DSCC1: variants seen among roughly 807,000 people sequenced by gnomAD.
The protein encoded by DSCC1 is sister chromatid cohesion protein DCC1.
Under a neutral mutation model 48.2 loss-of-function variants are expected in DSCC1, and 32 were observed. The ratio of observed to expected loss-of-function variants is 0.66; its 90% confidence interval spans 0.50 to 0.89. The LOEUF is 0.89. DSCC1 is among the 40% of genes least tolerant of loss of function. The pLI, the probability that DSCC1 is intolerant of heterozygous loss-of-function variation, is 0.00. For missense variants in DSCC1, 421 were observed against 471.7 expected, an observed-to-expected ratio of 0.89 and a Z score of 1.00; for synonymous variants, 150 against 171.5, an observed-to-expected ratio of 0.87 and a Z score of 0.98.
At chr8:119,850,767 A>G (rs1170520058) in intron 2 of DSCC1, among the ~76,000 whole-genome samples, 1 of 152,236 alleles carries the variant, frequency 6.6e-6, no homozygotes, top group African/African-American at 2.4e-5. Context: ...CACATCTCAA[A>G]TGTACTCTGA....
At chr8:119,851,470 T>C (rs1826942751) in intron 2 of DSCC1, among the ~76,000 whole-genome samples, 1 of 152,198 alleles carries the variant, frequency 6.6e-6, no homozygotes, top group Non-Finnish European at 1.5e-5. Flanking sequence ...TCTGGCTACG[T>C]CCAATACACA....
At chr8:119,840,124 A>T (rs1319909126) in intron 7 of DSCC1, 1 of 152,200 alleles carries the variant, frequency 6.6e-6, no homozygotes, top group Non-Finnish European at 1.5e-5. Context: ...GAACTCCATA[A>T]ATACCAAGCA....
chr8:119,849,440 A>G (rs1403122388), intron 3 of DSCC1, among the ~76,000 whole-genome samples: 4 of 152,206 alleles, frequency 2.6e-5, no homozygotes, highest in Admixed American at 6.5e-5. Context: ...GATACATGCT[A>G]CAACATAAAT....
rs955667660 is a variant in DSCC1 at position 119,855,480 on chromosome 8, G to C, written c.182+134C>G. ...CCCACCGGAGGCGTGGACTCCTCGGGAACAGGCAGCTTGCTATGAGCCCCC... is the reference window on the plus strand; with the variant it reads ...CCCACCGGAGGCGTGGACTCCTCGGCAACAGGCAGCTTGCTATGAGCCCCC... On this transcript the variant is annotated intron_variant, in intron 1 of 8. Transcript: ENST00000313655. 17 of 1,271,188 alleles carry C rather than the reference G, an allele frequency of 1.3e-5. No homozygotes were observed. The South Asian group carries it at 2.7e-4, about 20-fold the overall frequency. The allele number at this position is 1,271,188 out of a possible 1,614,324, so 78.7% of individuals were successfully genotyped here.
rs1383170838 is a variant in DSCC1 at position 119,855,656 on chromosome 8, T to C, written c.140A>G (p.Glu47Gly). The change falls in exon 1 of 9, where the codon GAG becomes GGG. Residue 47 changes from glutamate (E) to glycine (G), a missense_variant. Coordinates refer to ENST00000313655, the MANE Select transcript of DSCC1 (RefSeq NM_024094.3). ...CTGCTGGCACAGCGTGGGCTCCAGCTCCAGCAGGCAGAAGTCGCCGGCTGC... is the reference window on the plus strand; with the variant it reads ...CTGCTGGCACAGCGTGGGCTCCAGCCCCAGCAGGCAGAAGTCGCCGGCTGC... ...GAAAGDFCLLELEPTLCQQLE... is the reference protein window; with the variant it reads ...GAAAGDFCLLGLEPTLCQQLE... 1 of 1,547,988 alleles carries C rather than the reference T, an allele frequency of 6.5e-7. No individual in the cohort carries two copies. Among genetic ancestry groups the C allele is most frequent in the Non-Finnish European group, 8.7e-7 (1 of 1,146,818 alleles).
At chr8:119,840,227 C>A (rs1826746795) in intron 7 of DSCC1, 2 of 152,162 alleles carry the variant, frequency 1.3e-5, no homozygotes, top group South Asian at 4.1e-4. Flanking sequence ...AAACAAAATG[C>A]CATCAAAGTA....
intron 2 of DSCC1, 157 bp downstream of exon 2, chr8:119,852,884 CAATAAT>C (rs145965795): frequency 1.2e-5 from 7 of 561,862 alleles, no homozygotes; most frequent in African/African-American, 1.9e-5. Context: ...AACAAACAAG[CAATAAT>C]AATAATAATA....
At chr8:119,842,482 A>G (rs1389878026) in intron 6 of DSCC1, among the ~76,000 whole-genome samples, 1 of 151,420 alleles carries the variant, frequency 6.6e-6, no homozygotes, top group Non-Finnish European at 1.5e-5. Flanking sequence ...CCCCGGGCTC[A>G]GGTGATCCTC....
intron 8 of DSCC1, among the ~76,000 whole-genome samples, chr8:119,835,405 G>T (rs1586573571): frequency 6.6e-6 from 1 of 152,086 alleles, no homozygotes; most frequent in East Asian, 1.9e-4. Context: ...TACTTGGGAG[G>T]CTGGGGCAGG....
intron 8 of DSCC1, 68 bp from the exon 9 acceptor site, chr8:119,835,069 A>G (rs528272755): frequency 7.7e-6 from 8 of 1,033,642 alleles, no homozygotes; most frequent in African/African-American, 3.3e-5. Context: ...AGTACTATGT[A>G]CTTATTTTCT....
rs1218407360 is a variant in DSCC1 at position 119,849,194 on chromosome 8, A to AAAAAG, written c.486+1187_486+1188insCTTTT. 4.7e-5 allele frequency among the ~76,000 whole-genome samples: 7 copies of AAAAAG among 148,022 alleles called. 1 individual carries two copies. Among genetic ancestry groups the AAAAAG allele is most frequent in the Non-Finnish European group, 1.0e-4 (7 of 66,866 alleles). The stretch of plus-strand genomic sequence containing the variant: ...AGCGAGACTCCCTCTCAAAAAAAAA[A>AAAAAG]AAAAAAAAAAAAGACTAGCCTGGCC... On this transcript the variant is annotated intron_variant, in intron 3 of 8. Transcript: ENST00000313655.
At chr8:119,846,071 A>C (rs1826851592) in intron 4 of DSCC1, among the ~76,000 whole-genome samples, 3 of 151,062 alleles carry the variant, frequency 2.0e-5, no homozygotes, top group Non-Finnish European at 4.4e-5. Context: ...TTTCCTCACC[A>C]GTTATAAAAA....
At chr8:119,846,120 T>TA (rs1363274525) in intron 4 of DSCC1, among the ~76,000 whole-genome samples, 1 of 150,788 alleles carries the variant, frequency 6.6e-6, no homozygotes, top group African/African-American at 2.4e-5. Context: ...GGACTTTTTT[T>TA]TTTTTTTTTT....
At chr8:119,852,204 G>C (rs1005356426) in intron 2 of DSCC1, among the ~76,000 whole-genome samples, 4 of 151,734 alleles carry the variant, frequency 2.6e-5, no homozygotes, top group Non-Finnish European at 4.4e-5. Flanking sequence ...CTTAGTTACT[G>C]TTTTATATAT....
intron 3 of DSCC1, among the ~76,000 whole-genome samples, chr8:119,848,912 C>T (rs1484022927): frequency 7.3e-5 from 11 of 151,578 alleles, no homozygotes; most frequent in African/African-American, 2.4e-4. Flanking sequence ...CGGCCGGGCG[C>T]GGTGGCTCAA....
Position 119,838,260 on chromosome 8 carries a change from G to A in DSCC1, c.1072C>T (p.Gln358Ter), listed in dbSNP as rs2131293233. The change falls in exon 8 of 9, where the codon CAA becomes TAA. Residue 358 changes from glutamine to a stop codon, truncating the protein, a stop_gained and splice_region_variant. Transcript: ENST00000313655. LOFTEE classifies it high-confidence loss of function. ...ATCCGTCTTTAATAAATTACTTACT[G>A]AATATATGGAGCAATATCTTCTTCT... ...WTEEDIAPYI[Q>*]DLCGEKQTIG... 1 of 1,571,960 alleles carries A rather than the reference G, an allele frequency of 6.4e-7. No individual in the cohort carries two copies. Among genetic ancestry groups the A allele is most frequent in the African/African-American group, 1.4e-5 (1 of 72,942 alleles).
chr8:119,852,695 G>C (rs1563947519), intron 2 of DSCC1: 1 of 164,994 alleles, frequency 6.1e-6, no homozygotes, highest in Non-Finnish European at 1.3e-5. Flanking sequence ...ATTACCAAAT[G>C]AACCAGTTAC....
At position 119,845,962 on chromosome 8, in the gene DSCC1, T is replaced by G. The variant is rs549906028; in HGVS notation, c.577+1028A>C. Among the ~76,000 whole-genome samples the G allele has an allele frequency of 5.9e-5, 9 of 151,974 alleles. No homozygotes were observed. In the East Asian group the frequency reaches 1.7e-3, roughly 30 times the overall value. On this transcript the variant is annotated intron_variant, in intron 4 of 8. Transcript: ENST00000313655. ...AGACTCCATCCAAAAGAAAAAAAAT[T>G]AATTTTGCTAGGAGTTCAAGGACCT...
At chr8:119,844,072 G>A (rs777337776) in intron 4 of DSCC1, among the ~76,000 whole-genome samples, 5 of 151,700 alleles carry the variant, frequency 3.3e-5, no homozygotes, top group Admixed American at 1.3e-4. Flanking sequence ...CCACCGTGCC[G>A]GCCCAAAGAA....
Sources: gnomAD v4.1 joint callset for allele counts (sites outside exome capture counted in the v4.1 genomes callset) on GRCh38, gnomAD v4.1.1 for gene constraint, MANE v1.5 for transcripts, NCBI Gene and HGNC (gene_info 2026-07-23, HGNC 2026-07-21) for gene names.